Variants in ALG9 observed in about 807,000 individuals in gnomAD.
ALG9 encodes alpha-1,2-mannosyltransferase ALG9.
In ALG9, 55 loss-of-function variants were observed where a neutral mutation model predicts 81.8. The observed-to-expected ratio is 0.67, with a 90% CI of 0.54 to 0.84. The LOEUF (loss-of-function observed/expected upper bound fraction) is 0.84. ALG9 is among the 40% of genes least tolerant of loss of function. ALG9 has a pLI of 0.00. For missense variants in ALG9, 629 were observed against 745.0 expected, an observed-to-expected ratio of 0.84 and a Z score of 1.81; for synonymous variants, 278 against 274.3, an observed-to-expected ratio of 1.01 and a Z score of -0.13.
rs560284967 is a variant in ALG9, at chr11:111,819,802, C to T, written c.1603-10029G>A. Among the ~76,000 whole-genome samples, 10 of 152,344 alleles carry T rather than the reference C, an allele frequency of 6.6e-5. No individual in the cohort carries two copies. The South Asian group carries it at 1.0e-3, about 16-fold the overall frequency. On this transcript the variant is annotated intron_variant, in intron 13 of 14. Coordinates refer to ENST00000616540, the MANE Select transcript of ALG9 (RefSeq NM_024740.2). ...CTTGTAAGCTCTGTGAAGGCAAGAA[C>T]TGAATCTGTCTTTATAAGCACAATA...
intron 13 of ALG9, among the ~76,000 whole-genome samples, chr11:111,822,786 G>A (rs1952641243): frequency 6.6e-6 from 1 of 152,122 alleles, no homozygotes; most frequent in Non-Finnish European, 1.5e-5. Flanking sequence ...ACTTTGGGAG[G>A]CTGAGGTGGG....
At chr11:111,856,289 A>AAAAAAAAG (rs1566157079) in intron 6 of ALG9, among the ~76,000 whole-genome samples, 1 of 150,638 alleles carries the variant, frequency 6.6e-6, no homozygotes, top group African/African-American at 2.4e-5. Flanking sequence ...AAAAAAAAAA[A>AAAAAAAAG]AAAAAAAGAA....
chr11:111,853,455 A>G lies in ALG9; in HGVS notation c.820T>C (p.Tyr274His). ...VPVVVIDSYYYGKLVIAPLNI... is the reference protein window; with the variant it reads ...VPVVVIDSYYHGKLVIAPLNI... ...AGTGGTGCAATCACCAACTTCCCAT[A>G]ATAGTAGCTGTCAATGACCACCACA... is the stretch of plus-strand genomic sequence containing the variant. The change falls in exon 8 of 15, where the codon TAT (tyrosine) becomes CAT (histidine). Residue 274 changes from tyrosine to histidine, a missense_variant. Tyr to His is a moderately conservative substitution (Grantham distance 83, BLOSUM62 2). This residue lies in a region of ALG9 where 344 missense variants were observed against 390.5 expected (regional missense o/e 0.88). Transcript: ENST00000616540. The G allele has an allele frequency of 6.2e-7, 1 of 1,614,104 alleles. No homozygotes were observed. Among genetic ancestry groups the G allele is most frequent in the Non-Finnish European group, 8.5e-7 (1 of 1,179,952 alleles).
intron 8 of ALG9, among the ~76,000 whole-genome samples, chr11:111,850,950 T>C (rs687152): frequency 0.71 from 108,415 of 151,824 alleles, 39,499 homozygotes; most frequent in African/African-American, 0.87. Flanking sequence ...TGAAGCTATC[T>C]CAGGTTCATT....
intron 14 of ALG9, among the ~76,000 whole-genome samples, chr11:111,786,736 A>G (rs1340958446): frequency 1.3e-5 from 2 of 152,184 alleles, no homozygotes; most frequent in Non-Finnish European, 2.9e-5. Flanking sequence ...ATTGTCCCTA[A>G]TAAGCCACAG....
chr11:111,819,460 T>C (rs76251415), intron 13 of ALG9, among the ~76,000 whole-genome samples: 5,004 of 152,326 alleles, frequency 0.033, 264 homozygotes, highest in African/African-American at 0.11. Flanking sequence ...ACTGTCATCA[T>C]GAATCCTCTA....
intron 13 of ALG9, among the ~76,000 whole-genome samples, chr11:111,835,346 A>G (rs868942332): frequency 3.3e-5 from 5 of 152,348 alleles, no homozygotes; most frequent in South Asian, 4.1e-4. Flanking sequence ...TCAAATGTCA[A>G]AAGTGTCATC....
intron 14 of ALG9, among the ~76,000 whole-genome samples, chr11:111,797,179 G>A (rs968170300): frequency 5.3e-5 from 8 of 152,220 alleles, no homozygotes; most frequent in African/African-American, 1.9e-4. Flanking sequence ...TTTTCCCCTT[G>A]AGCATGAGCT....
intron 8 of ALG9, among the ~76,000 whole-genome samples, chr11:111,846,172 C>T (rs1448570051): frequency 1.3e-5 from 2 of 152,144 alleles, no homozygotes; most frequent in Non-Finnish European, 2.9e-5. Context: ...CCTTTAGGAT[C>T]CAATTTCCAG....
At chr11:111,853,603 C>T (rs782331306) in intron 7 of ALG9, 46 bp downstream of exon 7, 27 of 1,589,088 alleles carry the variant, frequency 1.7e-5, no homozygotes, top group Admixed American at 3.3e-5. Flanking sequence ...ATCAAAGTTG[C>T]TTTCATTACA....
intron 6 of ALG9, 54 bp downstream of exon 6, chr11:111,857,548 T>G: frequency 6.2e-7 from 1 of 1,612,648 alleles, no homozygotes. Context: ...AATCCAACAT[T>G]AAGATTTACT....
At chr11:111,792,271 T>C (rs1480484017) in intron 14 of ALG9, among the ~76,000 whole-genome samples, 1 of 149,700 alleles carries the variant, frequency 6.7e-6, no homozygotes, top group Non-Finnish European at 1.5e-5. Flanking sequence ...ACCCACATTC[T>C]AGGGGCCATG....
intron 14 of ALG9, among the ~76,000 whole-genome samples, chr11:111,787,669 A>C (rs1175704265): frequency 2.0e-5 from 3 of 151,858 alleles, no homozygotes; most frequent in Non-Finnish European, 2.9e-5. Context: ...CGTGTTAGCC[A>C]GGGTGGTCTT....
At chr11:111,820,001 C>A (rs1952080298) in intron 13 of ALG9, among the ~76,000 whole-genome samples, 1 of 152,230 alleles carries the variant, frequency 6.6e-6, no homozygotes, top group African/African-American at 2.4e-5. Flanking sequence ...TAGCTTCTAG[C>A]CCCTGGAGGA....
At position 111,784,126 on chromosome 11, in the gene ALG9, T is replaced by A. The variant is rs1555059943; in HGVS notation, c.*2271A>T. 2 of 152,230 alleles carry A rather than the reference T, an allele frequency of 1.3e-5. No homozygotes were observed. The highest frequency in any genetic ancestry group is 4.8e-5 in the African/African-American group (2 of 41,454). 9.4% of individuals were successfully genotyped at this position (152,230 alleles called of 1,614,324 possible). Reference sequence around the variant, plus strand: ...ATGTTTCACTTAAAATTCTCTGTCCTGTAGTCAGATCATATGTGCTAGTTT... The same window carrying A: ...ATGTTTCACTTAAAATTCTCTGTCCAGTAGTCAGATCATATGTGCTAGTTT... On this transcript the variant is annotated 3_prime_UTR_variant, in exon 15 of 15. Transcript: ENST00000616540.
chr11:111,867,454 T>C (rs1226616540), intron 3 of ALG9, among the ~76,000 whole-genome samples: 2 of 152,160 alleles, frequency 1.3e-5, no homozygotes, highest in Admixed American at 1.3e-4. Flanking sequence ...ACTAAGAATA[T>C]GCTTGAAGCA....
chr11:111,869,798 G>T (rs1169478022), intron 2 of ALG9, among the ~76,000 whole-genome samples: 8 of 152,116 alleles, frequency 5.3e-5, no homozygotes, highest in Non-Finnish European at 2.9e-5. Flanking sequence ...TACCAGCCTC[G>T]GTGACATAAT....
chr11:111,807,319 C>G (rs551839435), intron 14 of ALG9, among the ~76,000 whole-genome samples: 1 of 152,146 alleles, frequency 6.6e-6, no homozygotes, highest in Non-Finnish European at 1.5e-5. Context: ...TCAGCTCCAG[C>G]CTCACTGGCC....
rs138353369 is a variant in ALG9 at position 111,806,150 on chromosome 11, G to A, written c.1733+3493C>T. Among the ~76,000 whole-genome samples the A allele has an allele frequency of 6.4e-3, 979 of 152,052 alleles. 10 individuals carry two copies. The highest frequency in any genetic ancestry group is 0.022 in the African/African-American group (909 of 41,476). ...GCTGGGATTACAGGTGTGAGCCACC[G>A]TGCCTGGCCACACTAAAAATTTTTT... On this transcript the variant is annotated intron_variant, in intron 14 of 14. Transcript: ENST00000616540.
Sources: allele counts gnomAD v4.1 joint callset (sites outside exome capture counted in the v4.1 genomes callset), GRCh38; gene constraint gnomAD v4.1.1; regional missense constraint gnomAD v4.1.1; transcripts MANE v1.5; gene names NCBI Gene and HGNC (gene_info 2026-07-23, HGNC 2026-07-21).